TMTC2: variants seen among roughly 807,000 people sequenced by gnomAD.
The protein encoded by TMTC2 is protein O-mannosyl-transferase TMTC2.
In TMTC2, 43 loss-of-function variants were observed where a neutral mutation model predicts 82.4. The observed-to-expected ratio is 0.52, with a 90% confidence interval of 0.41 to 0.67. The LOEUF is 0.67. Ranked by LOEUF, TMTC2 falls within the 30% of genes least tolerant of loss-of-function variation. The probability of loss-of-function intolerance (pLI) is 0.00; values close to 1 mark genes in which losing one functional copy is unlikely to be tolerated. For missense variants in TMTC2, 919 were observed against 1,012.4 expected (o/e 0.91, Z 1.25); for synonymous variants, 408 against 381.9 (o/e 1.07, Z -0.80).
At chr12:82,747,161 G>A (rs1875736364) in intron 1 of TMTC2, among the ~76,000 whole-genome samples, 1 of 152,132 alleles carries the variant, frequency 6.6e-6, no homozygotes, top group South Asian at 2.1e-4. Context: ...TACAACAATG[G>A]CAAACTAATA....
intron 11 of TMTC2, among the ~76,000 whole-genome samples, chr12:83,099,367 T>G (rs930592406): frequency 6.6e-6 from 1 of 152,136 alleles, no homozygotes; most frequent in Non-Finnish European, 1.5e-5. Context: ...TTTTGTATAA[T>G]AAAATTCTTA....
intron 1 of TMTC2, among the ~76,000 whole-genome samples, chr12:82,827,470 T>C (rs1251981790): frequency 6.6e-6 from 1 of 152,162 alleles, no homozygotes; most frequent in African/African-American, 2.4e-5. Flanking sequence ...CATCAAATTA[T>C]TACGGCTTAA....
At chr12:83,110,512 A>G (rs1592498965) in intron 11 of TMTC2, among the ~76,000 whole-genome samples, 3 of 152,170 alleles carry the variant, frequency 2.0e-5, no homozygotes, top group Non-Finnish European at 2.9e-5. Flanking sequence ...ATGTTATGTC[A>G]CCAAAACTGC....
intron 11 of TMTC2, among the ~76,000 whole-genome samples, chr12:83,077,874 ATC>A (rs1246193708): frequency 2.5e-5 from 3 of 122,260 alleles, no homozygotes; most frequent in East Asian, 5.3e-4. Flanking sequence ...TGCCCAGACA[ATC>A]TGTCTTTTTT....
chr12:82,938,945 C>T (rs769413439), intron 4 of TMTC2, among the ~76,000 whole-genome samples: 1 of 152,036 alleles, frequency 6.6e-6, no homozygotes, highest in Non-Finnish European at 1.5e-5. Flanking sequence ...TAAGTTTTTT[C>T]CCCTGCATAT....
chr12:83,128,129 A>G (rs2137570583), intron 11 of TMTC2, among the ~76,000 whole-genome samples: 1 of 152,266 alleles, frequency 6.6e-6, no homozygotes, highest in East Asian at 1.9e-4. Context: ...TGAAAATTTC[A>G]TCAGTTGTCT....
chr12:82,729,935 G>T (rs923903816), intron 1 of TMTC2, among the ~76,000 whole-genome samples: 9 of 152,092 alleles, frequency 5.9e-5, no homozygotes, highest in East Asian at 1.9e-4. Flanking sequence ...AACTCCAGAT[G>T]CGCTGCTTAA....
chr12:82,939,923 G>T (rs917184024), intron 4 of TMTC2, among the ~76,000 whole-genome samples: 2 of 151,550 alleles, frequency 1.3e-5, no homozygotes, highest in African/African-American at 2.4e-5. Context: ...CATCGGTTTT[G>T]CAGTGATTGT....
At chr12:82,699,683 T>C (rs1319280813) in intron 1 of TMTC2, among the ~76,000 whole-genome samples, 7 of 152,164 alleles carry the variant, frequency 4.6e-5, no homozygotes, top group Admixed American at 3.3e-4. Context: ...CAACGTGTAA[T>C]AAATTAGCCT....
At chr12:83,095,230 G>GTTTTTTTTTTTTTTTTTTTTT (rs372668283) in intron 11 of TMTC2, among the ~76,000 whole-genome samples, 1 of 126,274 alleles carries the variant, frequency 7.9e-6, no homozygotes, top group Non-Finnish European at 1.8e-5. Flanking sequence ...TTTTTTTTTT[G>GTTTTTTTTTTTTTTTTTTTTT]TTTTTTTTTT....
At chr12:82,904,617 AG>A (rs1485506370) in intron 3 of TMTC2, among the ~76,000 whole-genome samples, 1 of 152,246 alleles carries the variant, frequency 6.6e-6, no homozygotes, top group East Asian at 1.9e-4. Flanking sequence ...TTCTGTGCTT[AG>A]GAAAAAGCAA....
intron 1 of TMTC2, among the ~76,000 whole-genome samples, chr12:82,688,444 A>G (rs1450516342): frequency 6.6e-6 from 1 of 152,168 alleles, no homozygotes; most frequent in African/African-American, 2.4e-5. Flanking sequence ...GTGTTGTCAA[A>G]GAAACTGCAT....
At chr12:82,952,330 A>C (rs1483145982) in intron 4 of TMTC2, among the ~76,000 whole-genome samples, 1 of 152,126 alleles carries the variant, frequency 6.6e-6, no homozygotes, top group African/African-American at 2.4e-5. Context: ...AAATTATTTA[A>C]TTTTAATTAA....
intron 1 of TMTC2, among the ~76,000 whole-genome samples, chr12:82,746,016 C>T (rs150996961): frequency 6.4e-4 from 98 of 152,290 alleles, no homozygotes; most frequent in Admixed American, 1.4e-3. Flanking sequence ...ATTGTCAGGC[C>T]TATTGGTCCT....
chr12:83,086,023 C>T (rs990779325), intron 11 of TMTC2, among the ~76,000 whole-genome samples: 26 of 151,788 alleles, frequency 1.7e-4, no homozygotes, highest in Admixed American at 7.2e-4. Flanking sequence ...GAACTTTTAG[C>T]CTATTGAGAC....
intron 1 of TMTC2, among the ~76,000 whole-genome samples, chr12:82,719,851 C>T (rs146721791): frequency 3.3e-5 from 5 of 152,016 alleles, no homozygotes; most frequent in South Asian, 2.1e-4. Context: ...CTGTATGCTA[C>T]GAGAGTTTGA....
intron 1 of TMTC2, among the ~76,000 whole-genome samples, chr12:82,855,888 C>T (rs1237349812): frequency 6.6e-6 from 1 of 152,126 alleles, no homozygotes; most frequent in East Asian, 1.9e-4. Context: ...ATAACCATTA[C>T]AGTTTTTACA....
intron 8 of TMTC2, among the ~76,000 whole-genome samples, chr12:83,001,723 A>G (rs954545532): frequency 5.0e-5 from 7 of 141,258 alleles, no homozygotes; most frequent in Non-Finnish European, 9.2e-5. Flanking sequence ...AGTTTCACAG[A>G]TCTCTAGGGC....
At chr12:83,064,228 A>G (rs1009164530) in intron 11 of TMTC2, among the ~76,000 whole-genome samples, 5 of 151,858 alleles carry the variant, frequency 3.3e-5, no homozygotes, top group African/African-American at 1.2e-4. Context: ...ACCTGAACTA[A>G]AAAATGAAAG....
Sources: gnomAD v4.1 joint callset for allele counts (sites outside exome capture counted in the v4.1 genomes callset) on GRCh38, gnomAD v4.1.1 for gene constraint, MANE v1.5 for transcripts, NCBI Gene and HGNC (gene_info 2026-07-23, HGNC 2026-07-21) for gene names.